The following PLD5 variants were observed in gnomAD, a reference collection of about 807,000 sequenced individuals.
The protein encoded by PLD5 is inactive phospholipase D5.
A neutral mutation model predicts 61.1 loss-of-function variants in PLD5; 36 were observed. The ratio of observed to expected loss-of-function variants is 0.59; its 90% CI spans 0.45 to 0.78. The LOEUF is 0.78. Ranked by LOEUF, PLD5 falls within the 30% of genes least tolerant of loss-of-function variation. PLD5 has a pLI of 0.00. For synonymous variants in PLD5, 243 were observed against 242.8 expected (o/e 1.00, Z -0.01); for missense variants, 515 against 644.4 (o/e 0.80, Z 2.17).
intron 1 of PLD5, among the ~76,000 whole-genome samples, chr1:242,441,029 T>C (rs1272235599): frequency 6.6e-6 from 1 of 152,200 alleles, no homozygotes. Context: ...TAATGATGAG[T>C]TACATTTATG....
At chr1:242,123,833 A>G (rs140456214) in intron 6 of PLD5, among the ~76,000 whole-genome samples, 2 of 152,280 alleles carry the variant, frequency 1.3e-5, no homozygotes, top group Non-Finnish European at 2.9e-5. Flanking sequence ...TAGCTGTGGC[A>G]TGTGCCTAGC....
intron 4 of PLD5, among the ~76,000 whole-genome samples, chr1:242,264,376 C>T (rs897926874): frequency 6.6e-6 from 1 of 152,104 alleles, no homozygotes; most frequent in African/African-American, 2.4e-5. Context: ...ATGTGCATGG[C>T]CAAGCTTACG....
chr1:242,110,709 C>G (rs963496858), intron 7 of PLD5, among the ~76,000 whole-genome samples: 2 of 152,022 alleles, frequency 1.3e-5, no homozygotes, highest in Admixed American at 6.6e-5. Context: ...ACTCAGGAGG[C>G]TGAGGCAGGA....
intron 4 of PLD5, among the ~76,000 whole-genome samples, chr1:242,243,368 G>A (rs1672176137): frequency 6.6e-6 from 1 of 152,220 alleles, no homozygotes; most frequent in Admixed American, 6.5e-5. Context: ...CAAATTAAAT[G>A]AGGAGGGTTA....
intron 5 of PLD5, among the ~76,000 whole-genome samples, chr1:242,150,156 T>C (rs1368102939): frequency 1.3e-5 from 2 of 151,806 alleles, no homozygotes; most frequent in Non-Finnish European, 3.0e-5. Context: ...TATTCACAGA[T>C]TGTATTCATT....
chr1:242,465,651 G>A (rs1276305905), intron 1 of PLD5, among the ~76,000 whole-genome samples: 7 of 151,992 alleles, frequency 4.6e-5, no homozygotes, highest in Non-Finnish European at 7.4e-5. Context: ...AGGCACGGCC[G>A]GGCACAGTGG....
intron 5 of PLD5, among the ~76,000 whole-genome samples, chr1:242,203,156 G>T (rs2800763): frequency 6.8e-6 from 1 of 147,480 alleles, no homozygotes; most frequent in African/African-American, 2.5e-5. Context: ...ACCCGCCCCC[G>T]CCACCTATGA....
At chr1:242,315,379 T>C (rs1676945288) in intron 2 of PLD5, among the ~76,000 whole-genome samples, 1 of 152,146 alleles carries the variant, frequency 6.6e-6, no homozygotes. Context: ...AATTTCTTGG[T>C]AGATATATTT....
chr1:242,452,759 T>C (rs1209675984), intron 1 of PLD5, among the ~76,000 whole-genome samples: 2 of 152,168 alleles, frequency 1.3e-5, no homozygotes, highest in African/African-American at 4.8e-5. Context: ...GAGGTTGCAC[T>C]GAGCTGAGAT....
chr1:242,164,677 C>T (rs1047864869), intron 5 of PLD5, among the ~76,000 whole-genome samples: 12 of 152,206 alleles, frequency 7.9e-5, no homozygotes, highest in African/African-American at 2.4e-4. Flanking sequence ...GCTCCTCCCA[C>T]GTCTACATTA....
At chr1:242,517,699 C>T (rs1280330746) in intron 1 of PLD5, among the ~76,000 whole-genome samples, 1 of 152,146 alleles carries the variant, frequency 6.6e-6, no homozygotes, top group African/African-American at 2.4e-5. Context: ...TATTGTAACT[C>T]TGTTTATACA....
intron 4 of PLD5, among the ~76,000 whole-genome samples, chr1:242,260,019 A>G (rs1558406277): frequency 1.3e-5 from 2 of 152,132 alleles, no homozygotes; most frequent in Admixed American, 6.5e-5. Context: ...TATCAAAGGC[A>G]TTTGCTGGGA....
chr1:242,512,194 G>A (rs563091040), intron 1 of PLD5, among the ~76,000 whole-genome samples: 10 of 151,608 alleles, frequency 6.6e-5, no homozygotes, highest in East Asian at 1.9e-4. Flanking sequence ...GGCAGATCAC[G>A]AGGTCAGGAG....
chr1:242,447,949 G>T (rs1666613734), intron 1 of PLD5, among the ~76,000 whole-genome samples: 1 of 152,192 alleles, frequency 6.6e-6, no homozygotes, highest in African/African-American at 2.4e-5. Context: ...AGGGAAGAAA[G>T]GAATGATTCT....
chr1:242,113,742 C>T, intron 7 of PLD5, 148 bp downstream of exon 7: 1 of 979,110 alleles, frequency 1.0e-6, no homozygotes, highest in Non-Finnish European at 1.4e-6. Flanking sequence ...AGTAAATTGC[C>T]AATGCATGTT....
intron 1 of PLD5, among the ~76,000 whole-genome samples, chr1:242,470,115 G>GCGGAT (rs1667396049): frequency 6.6e-6 from 1 of 152,118 alleles, no homozygotes; most frequent in African/African-American, 2.4e-5. Context: ...ACGGAGGCGG[G>GCGGAT]CGGATCACGA....
At chr1:242,338,137 A>C (rs560130366) in intron 2 of PLD5, among the ~76,000 whole-genome samples, 3 of 152,302 alleles carry the variant, frequency 2.0e-5, no homozygotes, top group Non-Finnish European at 4.4e-5. Context: ...CTTTGTGACC[A>C]TGGCAATTAC....
rs904583542 is a variant in PLD5, at chr1:242,437,570, G to A, written c.189+86518C>T. On this transcript the variant is annotated intron_variant, in intron 1 of 9. Coordinates refer to ENST00000536534, the MANE Select transcript of PLD5 (RefSeq NM_001372062.1). ...AAATTAGCCAGGTGTGGTGGTGTGC[G>A]CCTGTAATCCCAGCTACTAGGGTGG... Among the ~76,000 whole-genome samples the A allele has an allele frequency of 7.9e-5, 12 of 152,130 alleles. No homozygotes were observed. The South Asian group carries it at 1.2e-3, about 16-fold the overall frequency.
chr1:242,141,891 C>T (rs1664201259), intron 5 of PLD5, among the ~76,000 whole-genome samples: 1 of 152,204 alleles, frequency 6.6e-6, no homozygotes, highest in African/African-American at 2.4e-5. Flanking sequence ...GTGAGTTCCT[C>T]AATAATCTTG....
Sources: allele counts gnomAD v4.1 joint callset (sites outside exome capture counted in the v4.1 genomes callset), GRCh38; gene constraint gnomAD v4.1.1; transcripts MANE v1.5; gene names NCBI Gene and HGNC (gene_info 2026-07-23, HGNC 2026-07-21).